The following CACNA1B variants were observed in gnomAD, a reference collection of about 807,000 sequenced individuals.
The protein encoded by CACNA1B is voltage-dependent N-type calcium channel subunit alpha-1B.
CACNA1B carries 70 observed loss-of-function variants against 247.2 expected under a neutral mutation model. The observed-to-expected ratio is 0.28, with a 90% CI of 0.23 to 0.35. The LOEUF is 0.35. CACNA1B is among the 10% of genes least tolerant of loss of function. The pLI, the probability that CACNA1B is intolerant of heterozygous loss-of-function variation, is 1.00. For synonymous variants in CACNA1B, 1,231 were observed against 1,294.4 expected (o/e 0.95, Z 1.05); for missense variants, 2,367 against 3,197.4 (o/e 0.74, Z 6.26).
At chr9:137,911,324 A>G (rs560284251) in intron 3 of CACNA1B, among the ~76,000 whole-genome samples, 116 of 152,294 alleles carry the variant, frequency 7.6e-4, no homozygotes, top group Admixed American at 1.4e-3. Flanking sequence ...TTCCCGTAGC[A>G]TTGGGCTTCC....
intron 6 of CACNA1B, among the ~76,000 whole-genome samples, chr9:137,936,179 G>A (rs904088466): frequency 3.3e-5 from 5 of 152,270 alleles, no homozygotes; most frequent in Admixed American, 6.5e-5. Context: ...TTTAATGACC[G>A]CCATTCTAAC....
intron 15 of CACNA1B, 146 bp from the exon 16 acceptor site, chr9:138,006,621 G>A (rs1958653916): frequency 1.6e-6 from 1 of 633,038 alleles, no homozygotes; most frequent in Non-Finnish European, 2.9e-6. Flanking sequence ...TTCGGAGACA[G>A]CATCATCTAA....
intron 6 of CACNA1B, among the ~76,000 whole-genome samples, chr9:137,936,305 C>T (rs959265061): frequency 6.6e-6 from 1 of 152,140 alleles, no homozygotes; most frequent in Non-Finnish European, 1.5e-5. Flanking sequence ...TGAAAAGTAT[C>T]CTTTGCCCAC....
chr9:138,119,314 C>T (rs1589139656), intron 44 of CACNA1B, among the ~76,000 whole-genome samples: 1 of 152,264 alleles, frequency 6.6e-6, no homozygotes, highest in African/African-American at 2.4e-5. Context: ...CCATGTGTTT[C>T]CCGGGGGAGG....
At chr9:137,980,798 G>T (rs1958285201) in intron 12 of CACNA1B, among the ~76,000 whole-genome samples, 1 of 152,172 alleles carries the variant, frequency 6.6e-6, no homozygotes, top group Admixed American at 6.5e-5. Context: ...TTAGGATAAT[G>T]GCCTCTGGCC....
Position 138,065,949 on chromosome 9 carries a change from A to C in CACNA1B, c.4669-3809A>C, listed in dbSNP as rs570744578. ...CTCACTTACCACCCACCAACAGAGG[A>C]GAATCTGTCCAGTGAGCCACTCCCC... On this transcript the variant is annotated intron_variant, in intron 31 of 46. Coordinates refer to ENST00000371372, the MANE Select transcript of CACNA1B (RefSeq NM_000718.4). Among the ~76,000 whole-genome samples the C allele has an allele frequency of 7.9e-5, 12 of 152,286 alleles. No homozygotes were observed. In the South Asian group the frequency reaches 1.7e-3, roughly 21 times the overall value.
At chr9:137,941,522 A>G (rs1957732064) in intron 6 of CACNA1B, among the ~76,000 whole-genome samples, 1 of 152,318 alleles carries the variant, frequency 6.6e-6, no homozygotes, top group South Asian at 2.1e-4. Context: ...AGCAGTCTAC[A>G]AATTCAATGC....
At chr9:138,024,228 C>G (rs1958891415) in intron 19 of CACNA1B, among the ~76,000 whole-genome samples, 1 of 152,166 alleles carries the variant, frequency 6.6e-6, no homozygotes, top group Non-Finnish European at 1.5e-5. Context: ...GGCCAGTGGG[C>G]TGGGCGCAGA....
In CACNA1B at chr9:138,049,070, G is replaced by A. The variant is rs933332482; in HGVS notation, c.3604-139G>A. The A allele has an allele frequency of 1.2e-5, 8 of 665,868 alleles. No individual in the cohort carries two copies. In the South Asian group the frequency reaches 1.4e-4, roughly 11 times the overall value. The allele number at this position is 665,868 out of a possible 1,614,324, so 41.2% of individuals were successfully genotyped here. On this transcript the variant is annotated intron_variant, in intron 23 of 46. Coordinates refer to ENST00000371372, the MANE Select transcript of CACNA1B (RefSeq NM_000718.4). ...GGATTTCACCATGTTGCCCTGGCTG[G>A]TGTCCAACTCCCGGGCTTAAGCAGT...
intron 20 of CACNA1B, among the ~76,000 whole-genome samples, chr9:138,031,371 G>A (rs143530822): frequency 3.9e-5 from 6 of 152,272 alleles, no homozygotes; most frequent in Non-Finnish European, 8.8e-5. Flanking sequence ...TATGGTCAGA[G>A]AACATGTTCT....
At position 138,011,429 on chromosome 9, in the gene CACNA1B, G is replaced by A. The variant is rs1958722976; in HGVS notation, c.2160+1352G>A. 6.6e-6 allele frequency among the ~76,000 whole-genome samples: 1 copy of A among 152,254 alleles called. No homozygotes were observed. Among genetic ancestry groups the A allele is most frequent in the South Asian group, 2.1e-4 (1 of 4,826 alleles). ...TTCTCTGAGGATCGGGGCCACTGGG[G>A]GCCTGTCTGTGTCTGGCTGTGGGCA... On this transcript the variant is annotated intron_variant, in intron 17 of 46. Transcript: ENST00000371372. This position sits in a 1 kb window ranked among gnomAD's most constrained non-coding sequence, Gnocchi z 4.2.
At position 138,050,908 on chromosome 9, in the gene CACNA1B, G is replaced by T. The variant is rs1959251830; in HGVS notation, c.3711-1184G>T. On this transcript the variant is annotated intron_variant, in intron 24 of 46. Transcript: ENST00000371372. This position sits in a 1 kb window ranked among gnomAD's most constrained non-coding sequence, Gnocchi z 5.2. ...GCCTACAGTCAGGGGAGAAGAAGGG[G>T]ACCAGGGTGCCTGAGACGTGTAGCT... Among the ~76,000 whole-genome samples the T allele has an allele frequency of 6.6e-6, 1 of 152,100 alleles. No homozygotes were observed. The highest frequency in any genetic ancestry group is 1.5e-5 in the Non-Finnish European group (1 of 67,994).
Position 138,058,980 on chromosome 9 carries a change from T to G in CACNA1B, c.4474-99T>G. 1.3e-6 allele frequency: 1 copy of G among 773,602 alleles called. No individual in the cohort carries two copies. The allele number at this position is 773,602 out of a possible 1,614,324, so 47.9% of individuals were successfully genotyped here. On this transcript the variant is annotated intron_variant, in intron 29 of 46. Coordinates refer to ENST00000371372, the MANE Select transcript of CACNA1B (RefSeq NM_000718.4). The surrounding 1 kb of genome is among the most constrained non-coding windows in gnomAD (Gnocchi z 4.7). The stretch of plus-strand genomic sequence containing the variant: ...GGGGTGTCCCAGGCCTAGGCAGGCA[T>G]CGAGTTCTGTCTGCCCGCTTTGCTT...
chr9:138,094,150 A>G (rs1340979075), intron 36 of CACNA1B, among the ~76,000 whole-genome samples: 1 of 152,162 alleles, frequency 6.6e-6, no homozygotes, highest in Non-Finnish European at 1.5e-5. Context: ...ACGTTATGTT[A>G]GGTGAAATAA....
intron 6 of CACNA1B, among the ~76,000 whole-genome samples, chr9:137,949,069 AGTG>A (rs1564203069): frequency 4.3e-5 from 2 of 46,426 alleles, no homozygotes; most frequent in African/African-American, 8.6e-5. Flanking sequence ...GTATGTGTGT[AGTG>A]TGTGTGGTGT....
chr9:138,108,751 C>T (rs1313824903), intron 39 of CACNA1B, among the ~76,000 whole-genome samples: 1 of 152,108 alleles, frequency 6.6e-6, no homozygotes, highest in Non-Finnish European at 1.5e-5. Flanking sequence ...TGGGTTCACG[C>T]CATTCTCCTG....
intron 3 of CACNA1B, among the ~76,000 whole-genome samples, chr9:137,907,166 T>A (rs889230468): frequency 1.3e-5 from 2 of 152,232 alleles, no homozygotes; most frequent in African/African-American, 2.4e-5. Context: ...ATTTCACAGC[T>A]CTCCTCTACC....
chr9:138,028,281 C>T (rs1224248702), intron 20 of CACNA1B, among the ~76,000 whole-genome samples: 1 of 151,982 alleles, frequency 6.6e-6, no homozygotes, highest in Non-Finnish European at 1.5e-5. Context: ...TCTTGGCCTC[C>T]CGAAGTGCTG....
intron 21 of CACNA1B, among the ~76,000 whole-genome samples, chr9:138,046,546 C>A (rs1002049535): frequency 1.3e-5 from 2 of 152,260 alleles, no homozygotes; most frequent in Non-Finnish European, 2.9e-5. Flanking sequence ...CTTTGGACTG[C>A]TGTTGGCTGC....
Sources: gnomAD v4.1 joint callset for allele counts (sites outside exome capture counted in the v4.1 genomes callset) on GRCh38, gnomAD v4.1.1 for gene constraint, Gnocchi (gnomAD v3.1) non-coding constraint, MANE v1.5 for transcripts, NCBI Gene and HGNC (gene_info 2026-07-23, HGNC 2026-07-21) for gene names.